Variants in DROSHA observed in about 807,000 individuals in gnomAD.
The protein encoded by DROSHA is drosha ribonuclease III, also known as ribonuclease 3.
DROSHA carries 56 observed loss-of-function variants against 181.9 expected under a neutral mutation model. The ratio of observed to expected loss-of-function variants is 0.31; its 90% CI spans 0.25 to 0.38. The LOEUF (loss-of-function observed/expected upper bound fraction) is 0.38, where lower values mean the gene tolerates loss of function less well. DROSHA is among the 10% of genes least tolerant of loss of function. The pLI, the probability that DROSHA is intolerant of heterozygous loss-of-function variation, is 1.00. For synonymous variants in DROSHA, 524 were observed against 591.2 expected, an observed-to-expected ratio of 0.89 and a Z score of 1.65; for missense variants, 1,218 against 1,743.5, an observed-to-expected ratio of 0.70 and a Z score of 5.37.
chr5:31,401,612 C>A (rs890028644), intron 35 of DROSHA, 50 bp from the exon 36 acceptor site: 1 of 1,206,774 alleles, frequency 8.3e-7, no homozygotes, highest in Non-Finnish European at 1.1e-6. Context: ...ATTTAATAAT[C>A]TAGTGCAAAG....
In DROSHA at chr5:31,411,241, A is replaced by T. The variant is rs1004328688; in HGVS notation, c.3526-354T>A. ...AATGCTACAAAATAAGGAAGCATTA[A>T]GAGTGTTAAAATCAATTTTATTAAA... On this transcript the variant is annotated intron_variant, in intron 30 of 35. Coordinates refer to ENST00000344624, the MANE Select transcript of DROSHA (RefSeq NM_001382508.1). The surrounding 1 kb of genome is among the most constrained non-coding windows in gnomAD (Gnocchi z 4.2). Among the ~76,000 whole-genome samples the T allele has an allele frequency of 1.3e-5, 2 of 152,232 alleles. No homozygotes were observed. Among genetic ancestry groups the T allele is most frequent in the Non-Finnish European group, 1.5e-5 (1 of 68,042 alleles).
chr5:31,511,347 T>C (rs1188438662), intron 8 of DROSHA, among the ~76,000 whole-genome samples, 171 bp from the exon 9 acceptor site: 2 of 152,178 alleles, frequency 1.3e-5, no homozygotes, highest in African/African-American at 4.8e-5. Context: ...AATCATACTC[T>C]GAATCAAACA....
In DROSHA at chr5:31,526,450, C is replaced by T. The variant is rs367918968; in HGVS notation, c.483G>A (p.Pro161=). 228 of 1,521,284 alleles carry T rather than the reference C, an allele frequency of 1.5e-4. No individual in the cohort carries two copies. The highest frequency in any genetic ancestry group is 1.0e-4 in the Non-Finnish European group (112 of 1,108,532). The allele number at this position is 1,521,284 out of a possible 1,614,324, so 94.2% of individuals were successfully genotyped here. A position where few individuals can be genotyped will look rare whatever the true frequency, so the allele number is the denominator to read the frequency against. The change falls in exon 5 of 36, where the codon CCG becomes CCA. Residue 161 remains proline (P), a synonymous_variant. Transcript: ENST00000344624. ...GAGGGTACTGATAATTAACCTGCTGCGGCATGACTGGAGGGGGCGGGGGAT... is the reference window on the plus strand; with the variant it reads ...GAGGGTACTGATAATTAACCTGCTGTGGCATGACTGGAGGGGGCGGGGGAT... ...MPHPPPPPVM[P]QQVNYQYPPG... is the part of the protein sequence containing the mutation.
intron 14 of DROSHA, 44 bp from the exon 15 acceptor site, chr5:31,485,006 A>G (rs760475834): frequency 7.5e-7 from 1 of 1,335,284 alleles, no homozygotes; most frequent in Non-Finnish European, 1.0e-6. Flanking sequence ...TTGGCAAAAT[A>G]TACATTAACT....
At chr5:31,513,644 A>G (rs1397275749) in intron 8 of DROSHA, among the ~76,000 whole-genome samples, 1 of 152,168 alleles carries the variant, frequency 6.6e-6, no homozygotes, top group African/African-American at 2.4e-5. Flanking sequence ...AAACACAGAA[A>G]TCTCCTTTCA....
At chr5:31,407,999 T>C (rs1006618682) in intron 33 of DROSHA, among the ~76,000 whole-genome samples, 1 of 152,182 alleles carries the variant, frequency 6.6e-6, no homozygotes, top group Non-Finnish European at 1.5e-5. Flanking sequence ...AAAGGAAATA[T>C]GGTTTAGCAG....
intron 20 of DROSHA, among the ~76,000 whole-genome samples, chr5:31,455,838 C>T (rs560258761): frequency 6.6e-5 from 10 of 152,094 alleles, no homozygotes; most frequent in African/African-American, 1.7e-4. Context: ...GACAGGGTTT[C>T]GCCATGTTGC....
At chr5:31,433,294 AAT>A (rs1462682447) in intron 25 of DROSHA, among the ~76,000 whole-genome samples, 5 of 152,242 alleles carry the variant, frequency 3.3e-5, no homozygotes, top group Non-Finnish European at 7.3e-5. Context: ...AATAGCAGAA[AAT>A]ATCTCTTTTT....
intron 19 of DROSHA, 144 bp downstream of exon 19, chr5:31,466,038 T>G: frequency 1.3e-6 from 1 of 775,522 alleles, no homozygotes; most frequent in Non-Finnish European, 2.0e-6. Context: ...ATTCGTATAA[T>G]AATGGGGGGA....
chr5:31,477,615 T>A (rs1433264860), intron 16 of DROSHA, among the ~76,000 whole-genome samples: 4 of 152,206 alleles, frequency 2.6e-5, no homozygotes, highest in Admixed American at 2.6e-4. Context: ...TTTCAAAGAA[T>A]CAATTTTCTA....
At chr5:31,510,799 C>G (rs1160128898) in intron 9 of DROSHA, among the ~76,000 whole-genome samples, 6 of 152,192 alleles carry the variant, frequency 3.9e-5, no homozygotes, top group Non-Finnish European at 7.3e-5. Context: ...CCAAGGGGCA[C>G]CCTTGTTAGC....
chr5:31,493,400 T>C, intron 12 of DROSHA, 107 bp from the exon 13 acceptor site: 2 of 911,086 alleles, frequency 2.2e-6, no homozygotes, highest in South Asian at 4.0e-5. Context: ...AGGACTTCCT[T>C]TCAGACACCA....
chr5:31,532,043 A>T lies in DROSHA; in HGVS notation c.-303T>A. On this transcript the variant is annotated 5_prime_UTR_variant, in exon 1 of 36. Coordinates refer to ENST00000344624, the MANE Select transcript of DROSHA (RefSeq NM_001382508.1). ...GCCGTCAGAGCAAAGCCAGGCTACT[A>T]CCGCAGGTACCAAGACAGTGGCACC... is the stretch of plus-strand genomic sequence containing the variant. The T allele has an allele frequency of 3.1e-6, 1 of 324,904 alleles. No individual in the cohort carries two copies. The highest frequency in any genetic ancestry group is 5.8e-6 in the Non-Finnish European group (1 of 173,840). 20.1% of individuals were successfully genotyped at this position (324,904 alleles called of 1,614,324 possible). A position where few individuals can be genotyped will look rare whatever the true frequency, so the allele number is the denominator to read the frequency against.
chr5:31,494,013 G>A (rs1451485250), intron 12 of DROSHA, among the ~76,000 whole-genome samples: 1 of 147,812 alleles, frequency 6.8e-6, no homozygotes, highest in Non-Finnish European at 1.5e-5. Flanking sequence ...CTCTTCCCCA[G>A]GCTGGAGTGC....
chr5:31,463,278 ATAGT>A (rs972697278), intron 20 of DROSHA, among the ~76,000 whole-genome samples: 3 of 152,222 alleles, frequency 2.0e-5, no homozygotes, highest in African/African-American at 7.2e-5. Flanking sequence ...TAATGCAAAA[ATAGT>A]TAGCTTTGGA....
intron 16 of DROSHA, among the ~76,000 whole-genome samples, chr5:31,479,008 C>G (rs1482886303): frequency 6.6e-6 from 1 of 152,084 alleles, no homozygotes; most frequent in Non-Finnish European, 1.5e-5. Context: ...ATGGAGAACT[C>G]CAGAATATTT....
chr5:31,445,855 A>G (rs1281230952), intron 23 of DROSHA, among the ~76,000 whole-genome samples: 1 of 152,192 alleles, frequency 6.6e-6, no homozygotes, highest in African/African-American at 2.4e-5. Flanking sequence ...AATGCTTCCT[A>G]CTGAGATTAG....
intron 27 of DROSHA, among the ~76,000 whole-genome samples, chr5:31,428,697 G>A (rs879577797): frequency 3.3e-5 from 5 of 152,124 alleles, no homozygotes; most frequent in Non-Finnish European, 7.3e-5. Flanking sequence ...AGCCATTTAA[G>A]CTGAAGGTTT....
intron 11 of DROSHA, among the ~76,000 whole-genome samples, chr5:31,498,930 G>A (rs1353024062): frequency 6.6e-6 from 1 of 152,138 alleles, no homozygotes; most frequent in Non-Finnish European, 1.5e-5. Flanking sequence ...AGTTGTGATG[G>A]CATCATTGGG....
Sources: allele counts gnomAD v4.1 joint callset (sites outside exome capture counted in the v4.1 genomes callset), GRCh38; gene constraint gnomAD v4.1.1; non-coding constraint Gnocchi (gnomAD v3.1); transcripts MANE v1.5; gene names NCBI Gene and HGNC (gene_info 2026-07-23, HGNC 2026-07-21).